The following ATAD2B variants were observed in gnomAD, a reference collection of about 807,000 sequenced individuals.
ATAD2B encodes ATPase family AAA domain-containing protein 2B.
Under a neutral mutation model 167.6 loss-of-function variants are expected in ATAD2B, and 40 were observed. The observed-to-expected ratio is 0.24, with a 90% CI of 0.19 to 0.31. The LOEUF is 0.31. Ranked by LOEUF, ATAD2B falls within the 10% of genes least tolerant of loss-of-function variation. The probability of loss-of-function intolerance (pLI) is 1.00; values close to 1 mark genes in which losing one functional copy is unlikely to be tolerated. For missense variants in ATAD2B, 1,242 were observed against 1,757.2 expected (o/e 0.71, Z 5.24); for synonymous variants, 579 against 596.5 (o/e 0.97, Z 0.43).
At chr2:23,691,818 G>A in the ATAD2B span, 2 of 1,551,664 alleles carry the variant, frequency 1.3e-6, no homozygotes, top group Non-Finnish European at 8.7e-7. Flanking sequence ...AGACACTGCT[G>A]GAGGCGGCCA....
chr2:23,902,594 A>T (rs998578274), intron 1 of ATAD2B, among the ~76,000 whole-genome samples: 3 of 152,174 alleles, frequency 2.0e-5, no homozygotes, highest in Non-Finnish European at 4.4e-5. Context: ...CATGACAAAG[A>T]TATTTAAAAG....
intron 4 of ATAD2B, among the ~76,000 whole-genome samples, chr2:23,886,653 C>G (rs1327027385): frequency 6.6e-6 from 1 of 152,038 alleles, no homozygotes; most frequent in African/African-American, 2.4e-5. Context: ...CATGCTAGGC[C>G]GGGAGCGGTG....
At chr2:23,818,179 G>GAC in intron 17 of ATAD2B, among the ~76,000 whole-genome samples, 1 of 86,538 alleles carries the variant, frequency 1.2e-5, no homozygotes, top group African/African-American at 4.2e-5. Context: ...GAGAGGGAGA[G>GAC]GGAGAGACGG....
the ATAD2B span, chr2:23,697,015 A>G: frequency 6.3e-6 from 1 of 159,612 alleles, no homozygotes; most frequent in Non-Finnish European, 1.4e-5. Context: ...CCAGCCACAC[A>G]CACCAGGACA....
At chr2:23,701,493 G>A in the ATAD2B span, among the ~76,000 whole-genome samples, 2 of 152,184 alleles carry the variant, frequency 1.3e-5, no homozygotes, top group Admixed American at 1.3e-4. Flanking sequence ...TGGGAGGATT[G>A]CTTAAGCTCA....
At chr2:23,702,144 C>T in the ATAD2B span, among the ~76,000 whole-genome samples, 2 of 152,022 alleles carry the variant, frequency 1.3e-5, no homozygotes, top group Non-Finnish European at 2.9e-5. Flanking sequence ...TTTTAACTAC[C>T]CCCCACTTCC....
At chr2:23,696,260 C>T in the ATAD2B span, 17 of 1,503,880 alleles carry the variant, frequency 1.1e-5, no homozygotes, top group Admixed American at 1.8e-4. The surrounding 1 kb of genome is among the most constrained non-coding windows in gnomAD (Gnocchi z 5.5). Flanking sequence ...TCCTCTGCCC[C>T]TGGGGCTGGG....
At chr2:23,873,463 C>T (rs1368911734) in intron 8 of ATAD2B, among the ~76,000 whole-genome samples, 1 of 152,174 alleles carries the variant, frequency 6.6e-6, no homozygotes, top group African/African-American at 2.4e-5. Flanking sequence ...ATAGTGTTTG[C>T]ACATTGCATA....
chr2:23,786,459 T>C (rs1483460008), intron 20 of ATAD2B, among the ~76,000 whole-genome samples: 1 of 152,106 alleles, frequency 6.6e-6, no homozygotes, highest in Non-Finnish European at 1.5e-5. Context: ...CTAGGCTATA[T>C]GGTAAAGCTT....
intron 13 of ATAD2B, among the ~76,000 whole-genome samples, chr2:23,841,371 T>A (rs1459255134): frequency 6.6e-6 from 1 of 152,212 alleles, no homozygotes; most frequent in African/African-American, 2.4e-5. Context: ...TGTTAGTATT[T>A]ACGTGATATA....
chr2:23,894,412 C>A (rs139675912), intron 2 of ATAD2B, among the ~76,000 whole-genome samples: 15,617 of 150,828 alleles, frequency 0.1, 896 homozygotes, highest in Middle Eastern at 0.18. Flanking sequence ...ACCTGGGAGA[C>A]AGAGGTTGCA....
chr2:23,761,781 A>G (rs2149320784), intron 24 of ATAD2B, among the ~76,000 whole-genome samples: 1 of 152,328 alleles, frequency 6.6e-6, no homozygotes, highest in African/African-American at 2.4e-5. Flanking sequence ...CTGAACACAA[A>G]ATAGTCTCTC....
chr2:23,891,597 G>C (rs575439749), intron 2 of ATAD2B, among the ~76,000 whole-genome samples: 167 of 151,940 alleles, frequency 1.1e-3, no homozygotes, highest in Admixed American at 3.6e-3. Context: ...CTGGATTCAA[G>C]CAATTCTCAT....
chr2:23,695,640 G>T, the ATAD2B span: 19 of 1,551,002 alleles, frequency 1.2e-5, no homozygotes, highest in Non-Finnish European at 1.7e-5. This position sits in a 1 kb window ranked among gnomAD's most constrained non-coding sequence, Gnocchi z 7.6. Context: ...CTGAGCTCCT[G>T]GCCGTGGTCC....
intron 5 of ATAD2B, among the ~76,000 whole-genome samples, chr2:23,885,400 A>C (rs1039147906): frequency 6.6e-6 from 1 of 152,212 alleles, no homozygotes; most frequent in Non-Finnish European, 1.5e-5. Flanking sequence ...ACAAAGTTGA[A>C]GCCAGATCAT....
At chr2:23,788,203 G>A (rs1681110519) in intron 20 of ATAD2B, 1 of 266,382 alleles carries the variant, frequency 3.8e-6, no homozygotes, top group East Asian at 6.9e-5. Flanking sequence ...GGTACTTACT[G>A]TGACTAAAAC....
At chr2:23,734,780 T>G in the ATAD2B span, among the ~76,000 whole-genome samples, 4 of 152,160 alleles carry the variant, frequency 2.6e-5, no homozygotes, top group Admixed American at 2.6e-4. Flanking sequence ...GAGATGTGGG[T>G]GGGGACACAG....
intron 18 of ATAD2B, among the ~76,000 whole-genome samples, chr2:23,805,474 C>T (rs550945535): frequency 1.3e-5 from 2 of 152,268 alleles, no homozygotes; most frequent in South Asian, 2.1e-4. Context: ...CTAATTTTAG[C>T]TGGTCCCACG....
chr2:23,691,268 G>T, the ATAD2B span: 2 of 259,124 alleles, frequency 7.7e-6, no homozygotes, highest in East Asian at 2.2e-4. Context: ...CCTGGGTCAC[G>T]TTGGAGAATC....
Sources: gnomAD v4.1 joint callset for allele counts (sites outside exome capture counted in the v4.1 genomes callset) on GRCh38, gnomAD v4.1.1 for gene constraint, Gnocchi (gnomAD v3.1) non-coding constraint, MANE v1.5 for transcripts, NCBI Gene and HGNC (gene_info 2026-07-23, HGNC 2026-07-21) for gene names.